The following RNF8 variants were observed in gnomAD, a reference collection of about 807,000 sequenced individuals.
RNF8 encodes ring finger protein 8, also known as E3 ubiquitin-protein ligase RNF8.
Under a neutral mutation model 59.3 loss-of-function variants are expected in RNF8, and 8 were observed. The ratio of observed to expected loss-of-function variants is 0.13; its 90% confidence interval spans 0.08 to 0.24. The LOEUF is 0.24. RNF8 is among the 10% of genes least tolerant of loss of function. The pLI is 1.00. For missense variants in RNF8, 406 were observed against 572.6 expected (o/e 0.71, Z 2.97); for synonymous variants, 162 against 200.0 (o/e 0.81, Z 1.60).
At chr6:37,386,156 T>C (rs1400040889) in intron 7 of RNF8, among the ~76,000 whole-genome samples, 1 of 146,938 alleles carries the variant, frequency 6.8e-6, no homozygotes, top group Non-Finnish European at 1.6e-5. Context: ...CCCCTATCAC[T>C]CTTATTGGCA....
intron 5 of RNF8, among the ~76,000 whole-genome samples, chr6:37,375,429 G>T (rs758249516): frequency 2.0e-5 from 3 of 152,150 alleles, no homozygotes; most frequent in African/African-American, 4.8e-5. Context: ...TAATATGAAG[G>T]CCAAACTAAA....
chr6:37,364,522 A>G (rs1181096655), intron 2 of RNF8, among the ~76,000 whole-genome samples: 3 of 152,228 alleles, frequency 2.0e-5, no homozygotes, highest in Non-Finnish European at 4.4e-5. Context: ...ATTGACGGAT[A>G]CATACTTAAT....
intron 2 of RNF8, among the ~76,000 whole-genome samples, chr6:37,362,009 T>G (rs772116831): frequency 3.9e-5 from 6 of 152,244 alleles, no homozygotes; most frequent in Non-Finnish European, 8.8e-5. Flanking sequence ...CAGTAAAGTA[T>G]GTAAGCAATT....
chr6:37,383,102 G>T (rs1770345429), intron 7 of RNF8, among the ~76,000 whole-genome samples: 2 of 152,204 alleles, frequency 1.3e-5, no homozygotes, highest in Admixed American at 6.5e-5. Context: ...GCTAAAGAGG[G>T]TGTCTCTCAC....
In RNF8 at chr6:37,370,927, G is replaced by A. The variant is rs776747998; in HGVS notation, c.976-585G>A. 1.3e-5 allele frequency among the ~76,000 whole-genome samples: 2 copies of A among 152,126 alleles called. 1 individual carries two copies. The highest frequency in any genetic ancestry group is 4.1e-4 in the South Asian group (2 of 4,830). On this transcript the variant is annotated intron_variant, in intron 3 of 7. Transcript: ENST00000373479. ...GGGTAGGTAATTCTTAAGGACAGAA[G>A]GGCCCAGAAGTTCTTTTGGAAGGTG...
rs769291213 is a variant in RNF8, at chr6:37,354,251, G to C, written c.87G>C (p.Trp29Cys). The C allele has an allele frequency of 1.1e-5, 17 of 1,568,032 alleles. No individual in the cohort carries two copies. The highest frequency in any genetic ancestry group is 7.8e-6 in the Non-Finnish European group (9 of 1,158,768). The change falls in exon 1 of 8, where the codon TGG (tryptophan) becomes TGC (cysteine). Residue 29 changes from tryptophan to cysteine, a missense_variant. Trp to Cys is a radical substitution (Grantham distance 215). Around this residue, in one of 3 missense-constraint regions of RNF8, gnomAD observed 62 missense variants for 112.2 expected, o/e 0.55. Coordinates refer to ENST00000373479, the MANE Select transcript of RNF8 (RefSeq NM_003958.4). ...GGCGGGTGGGGATGAGCGCCGGGTG[G>C]CTGCTGCTGGAAGATGGGTGCGAGG... ...CLRRVGMSAG[W>C]LLLEDGCEVT... is the part of the protein sequence containing the mutation.
At position 37,392,728 on chromosome 6, in the gene RNF8, G is replaced by A. The variant is rs1416566462; in HGVS notation, c.*1970G>A. 6 of 398,282 alleles carry A rather than the reference G, an allele frequency of 1.5e-5. No individual in the cohort carries two copies. The highest frequency in any genetic ancestry group is 6.2e-4 in the Middle Eastern group (1 of 1,610). The allele number at this position is 398,282 out of a possible 1,614,324, so 24.7% of individuals were successfully genotyped here. A position where few individuals can be genotyped will look rare whatever the true frequency, so the allele number is the denominator to read the frequency against. ...TTACTTTTGATAGAAATCTAGGTTG[G>A]TTCAAACCTTTTTACTCTTAAAACA... On this transcript the variant is annotated 3_prime_UTR_variant, in exon 8 of 8. Coordinates refer to ENST00000373479, the MANE Select transcript of RNF8 (RefSeq NM_003958.4).
intron 2 of RNF8, among the ~76,000 whole-genome samples, chr6:37,366,047 G>T (rs1769537883): frequency 6.6e-6 from 1 of 152,180 alleles, no homozygotes; most frequent in Admixed American, 6.5e-5. Flanking sequence ...GGCTCTGAAG[G>T]CAATGGGTTA....
intron 4 of RNF8, among the ~76,000 whole-genome samples, chr6:37,372,396 C>T (rs1408085079): frequency 6.6e-6 from 1 of 152,172 alleles, no homozygotes; most frequent in East Asian, 1.9e-4. Context: ...GAGGGTTGCA[C>T]AAACAGCTTT....
At chr6:37,355,272 A>T (rs904396268) in intron 1 of RNF8, among the ~76,000 whole-genome samples, 1 of 152,210 alleles carries the variant, frequency 6.6e-6, no homozygotes, top group African/African-American at 2.4e-5. Context: ...AATAATCTGT[A>T]TGAAAAGTTC....
chr6:37,381,878 C>T lies in RNF8; in HGVS notation c.1441+524C>T, dbSNP rs1581693948. Among the ~76,000 whole-genome samples, 3 of 152,302 alleles carry T rather than the reference C, an allele frequency of 2.0e-5. No homozygotes were observed. In the South Asian group the frequency reaches 6.2e-4, roughly 32 times the overall value. ...GGCTGAGCAGGACGTGTGTCTGAGC[C>T]TCTTATGCCCAAGGAAGACATTCTG... On this transcript the variant is annotated intron_variant, in intron 7 of 7. Transcript: ENST00000373479.
chr6:37,383,631 ATG>A (rs1435638441), intron 7 of RNF8, among the ~76,000 whole-genome samples: 1 of 152,162 alleles, frequency 6.6e-6, no homozygotes, highest in African/African-American at 2.4e-5. Flanking sequence ...GAAGTTTCAT[ATG>A]TTAGTGGGAG....
At chr6:37,366,086 C>A (rs1769538995) in intron 2 of RNF8, among the ~76,000 whole-genome samples, 2 of 152,202 alleles carry the variant, frequency 1.3e-5, no homozygotes, top group Non-Finnish European at 2.9e-5. Flanking sequence ...AAGGCTGCAA[C>A]ATATCGTGAA....
At chr6:37,380,908 C>T (rs1306085774) in intron 6 of RNF8, among the ~76,000 whole-genome samples, 2 of 152,048 alleles carry the variant, frequency 1.3e-5, no homozygotes, top group African/African-American at 4.8e-5. Flanking sequence ...GTCTCAAACT[C>T]CTGACCTCAG....
At chr6:37,355,883 C>T (rs1353929324) in intron 1 of RNF8, among the ~76,000 whole-genome samples, 2 of 152,098 alleles carry the variant, frequency 1.3e-5, no homozygotes, top group African/African-American at 2.4e-5. Flanking sequence ...ATAATACACA[C>T]AAAAATAAAT....
rs1368861973 is a variant in RNF8 at position 37,391,131 on chromosome 6, C to G, written c.*373C>G. On this transcript the variant is annotated 3_prime_UTR_variant, in exon 8 of 8. Coordinates refer to ENST00000373479, the MANE Select transcript of RNF8 (RefSeq NM_003958.4). ...GTTGTTTTGGATAGGTTGGGTGTAC[C>G]CCATGGCTGCCTCTGAAGGCAGTGT... 5 of 350,464 alleles carry G rather than the reference C, an allele frequency of 1.4e-5. No individual in the cohort carries two copies. The highest frequency in any genetic ancestry group is 2.6e-5 in the Non-Finnish European group (5 of 191,750). 21.7% of individuals were successfully genotyped at this position (350,464 alleles called of 1,614,324 possible).
chr6:37,360,617 A>G lies in RNF8; in HGVS notation c.240+43A>G. On this transcript the variant is annotated intron_variant, in intron 2 of 7. Coordinates refer to ENST00000373479, the MANE Select transcript of RNF8 (RefSeq NM_003958.4). The surrounding 1 kb of genome is among the most constrained non-coding windows in gnomAD (Gnocchi z 4.2). ...AGCCTAATGACTTTTATTTGTTTTT[A>G]AATTACTTTTTTTTTTTTTTGCATA... 1 of 1,544,534 alleles carries G rather than the reference A, an allele frequency of 6.5e-7. No homozygotes were observed. The highest frequency in any genetic ancestry group is 8.7e-7 in the Non-Finnish European group (1 of 1,150,438).
At chr6:37,371,203 T>A (rs539674940) in intron 3 of RNF8, among the ~76,000 whole-genome samples, 4 of 152,302 alleles carry the variant, frequency 2.6e-5, no homozygotes, top group African/African-American at 9.6e-5. Context: ...GTTCTCAGTT[T>A]ACATCCTTTT....
chr6:37,379,097 GCCT>G (rs1554193234), intron 6 of RNF8, among the ~76,000 whole-genome samples: 6 of 152,218 alleles, frequency 3.9e-5, no homozygotes, highest in African/African-American at 7.2e-5. Flanking sequence ...GCTCACTGCA[GCCT>G]CCTCCTCTTG....
Sources: gnomAD v4.1 joint callset for allele counts (sites outside exome capture counted in the v4.1 genomes callset) on GRCh38, gnomAD v4.1.1 for gene constraint, gnomAD v4.1.1 regional missense constraint, Gnocchi (gnomAD v3.1) non-coding constraint, MANE v1.5 for transcripts, NCBI Gene and HGNC (gene_info 2026-07-23, HGNC 2026-07-21) for gene names.